MNAT1: variants seen among roughly 807,000 people sequenced by gnomAD.
MNAT1 encodes CDK-activating kinase assembly factor MAT1.
In MNAT1, 43 loss-of-function variants were observed where a neutral mutation model predicts 42.0. The ratio of observed to expected loss-of-function variants is 1.02; its 90% CI spans 0.80 to 1.32. The LOEUF (loss-of-function observed/expected upper bound fraction) is 1.32. MNAT1 is among the 40% of genes most tolerant of loss of function. The probability of loss-of-function intolerance (pLI) is 0.00; values close to 1 mark genes in which losing one functional copy is unlikely to be tolerated. For missense variants in MNAT1, 306 were observed against 350.4 expected, an observed-to-expected ratio of 0.87 and a Z score of 1.01; for synonymous variants, 118 against 120.0, an observed-to-expected ratio of 0.98 and a Z score of 0.11.
chr14:60,877,563 T>C (rs1320914400), intron 6 of MNAT1, among the ~76,000 whole-genome samples: 1 of 152,014 alleles, frequency 6.6e-6, no homozygotes, highest in Non-Finnish European at 1.5e-5. Context: ...AACAAAAAAA[T>C]TTATAAACTA....
At chr14:60,736,203 C>A (rs973824627) in intron 1 of MNAT1, among the ~76,000 whole-genome samples, 1 of 151,894 alleles carries the variant, frequency 6.6e-6, no homozygotes, top group Non-Finnish European at 1.5e-5. Context: ...TGGAAAAACA[C>A]TGTAGATAGA....
In MNAT1 at chr14:60,798,129, C is replaced by A; in HGVS notation, c.285C>A (p.Tyr95Ter). The A allele has an allele frequency of 6.6e-7, 1 of 1,524,200 alleles. No homozygotes were observed. The highest frequency in any genetic ancestry group is 9.1e-7 in the Non-Finnish European group (1 of 1,101,382). 94.4% of individuals were successfully genotyped at this position (1,524,200 alleles called of 1,614,324 possible). A position where few individuals can be genotyped will look rare whatever the true frequency, so the allele number is the denominator to read the frequency against. Residue 95 changes from tyrosine to a stop codon, truncating the protein, a stop_gained, in exon 3 of 8, where the codon TAC becomes TAA. Coordinates refer to ENST00000261245, the MANE Select transcript of MNAT1 (RefSeq NM_002431.4). LOFTEE classifies it high-confidence loss of function. ...REEDFPSLRE[Y>*]NDFLEEVEEI... is the part of the protein sequence containing the mutation. ...AAGATTTTCCTAGTCTAAGAGAATA[C>A]AATGATTTCTTGGAAGAAGTGGAAG... is the stretch of plus-strand genomic sequence containing the variant.
At chr14:60,892,607 T>G (rs1321494727) in intron 7 of MNAT1, among the ~76,000 whole-genome samples, 1 of 152,170 alleles carries the variant, frequency 6.6e-6, no homozygotes, top group Non-Finnish European at 1.5e-5. Context: ...AAGTTATTAC[T>G]GATAAGGATG....
rs1054173230 is a variant in MNAT1, at chr14:60,931,640, A to T, written c.810-36589A>T. 7.9e-5 allele frequency among the ~76,000 whole-genome samples: 12 copies of T among 152,160 alleles called. No homozygotes were observed. The South Asian group carries it at 2.3e-3, about 29-fold the overall frequency. ...TCTTATTTCAAAAATATGTCTGTAG[A>T]TACATATCGTAGACCTGAATTGTAT... On this transcript the variant is annotated intron_variant, in intron 7 of 7. Transcript: ENST00000261245.
intron 4 of MNAT1, among the ~76,000 whole-genome samples, chr14:60,810,619 G>T (rs1008712687): frequency 2.0e-5 from 3 of 151,958 alleles, no homozygotes; most frequent in Admixed American, 6.5e-5. Context: ...TGAGTGTATT[G>T]TTTAATTTTC....
rs548853994 is a variant in MNAT1 at position 60,771,764 on chromosome 14, A to G, written c.90-24453A>G. 1.4e-4 allele frequency among the ~76,000 whole-genome samples: 22 copies of G among 152,312 alleles called. No homozygotes were observed. The South Asian group carries it at 4.6e-3, about 32-fold the overall frequency. On this transcript the variant is annotated intron_variant, in intron 1 of 7. Transcript: ENST00000261245. ...GTAATTTATCTGTCCATGTTAGTATATAGGCTCTATGAGGGCAGGGATCAT... is the reference window on the plus strand; with the variant it reads ...GTAATTTATCTGTCCATGTTAGTATGTAGGCTCTATGAGGGCAGGGATCAT...
At chr14:60,926,807 G>A (rs2035776895) in intron 7 of MNAT1, among the ~76,000 whole-genome samples, 1 of 152,102 alleles carries the variant, frequency 6.6e-6, no homozygotes, top group African/African-American at 2.4e-5. Flanking sequence ...CCCTTCCCTA[G>A]AGGTCAGAGG....
At position 60,888,566 on chromosome 14, in the gene MNAT1, C is replaced by T. The variant is rs1403744563; in HGVS notation, c.809+8731C>T. Reference sequence around the variant, plus strand: ...ACAGGGATGCCCTCTCTCACCACTCCTATTCAACATAGTGTTGGAAGTTCT... The same window carrying T: ...ACAGGGATGCCCTCTCTCACCACTCTTATTCAACATAGTGTTGGAAGTTCT... On this transcript the variant is annotated intron_variant, in intron 7 of 7. Coordinates refer to ENST00000261245, the MANE Select transcript of MNAT1 (RefSeq NM_002431.4). 5.3e-5 allele frequency among the ~76,000 whole-genome samples: 8 copies of T among 150,606 alleles called. No individual in the cohort carries two copies. In the East Asian group the frequency reaches 1.6e-3, roughly 30 times the overall value.
chr14:60,843,729 C>A (rs896177999), intron 6 of MNAT1, among the ~76,000 whole-genome samples: 1 of 152,022 alleles, frequency 6.6e-6, no homozygotes, highest in Admixed American at 6.5e-5. Flanking sequence ...TGAATAATTT[C>A]TCTTGTCTGT....
intron 7 of MNAT1, among the ~76,000 whole-genome samples, chr14:60,938,368 A>G (rs1265640594): frequency 1.3e-5 from 2 of 152,126 alleles, no homozygotes; most frequent in African/African-American, 4.8e-5. Context: ...TGGGTTTGTC[A>G]TAGATAGCTC....
At chr14:60,847,582 G>A (rs1271917808) in intron 6 of MNAT1, among the ~76,000 whole-genome samples, 4 of 151,978 alleles carry the variant, frequency 2.6e-5, no homozygotes, top group East Asian at 1.9e-4. Flanking sequence ...TAGTGTTCAA[G>A]CTATTTACGT....
chr14:60,838,937 C>G (rs2033472100), intron 6 of MNAT1, among the ~76,000 whole-genome samples: 1 of 152,182 alleles, frequency 6.6e-6, no homozygotes. Flanking sequence ...CCCCCTGTCA[C>G]CTCAGCCCCC....
chr14:60,918,756 A>T (rs920970922), intron 7 of MNAT1, among the ~76,000 whole-genome samples: 17 of 147,962 alleles, frequency 1.1e-4, no homozygotes, highest in Middle Eastern at 3.6e-3. Context: ...ATATATATAT[A>T]TTTTTGTCCT....
chr14:60,922,792 C>T (rs963312887), intron 7 of MNAT1, among the ~76,000 whole-genome samples: 6 of 152,144 alleles, frequency 3.9e-5, no homozygotes, highest in African/African-American at 1.4e-4. Context: ...AACGTATAAA[C>T]TCAGTAGTTC....
intron 7 of MNAT1, among the ~76,000 whole-genome samples, chr14:60,962,778 T>C (rs552791318): frequency 3.9e-5 from 6 of 152,334 alleles, no homozygotes; most frequent in Admixed American, 1.3e-4. Context: ...ATATGAGTTT[T>C]GGTGTTTGAT....
intron 1 of MNAT1, among the ~76,000 whole-genome samples, chr14:60,777,129 C>A (rs185687679): frequency 6.6e-6 from 1 of 152,114 alleles, no homozygotes; most frequent in African/African-American, 2.4e-5. Flanking sequence ...GGATTACAGG[C>A]GTGAGCCACC....
chr14:60,909,661 C>G (rs2035300950), intron 7 of MNAT1, among the ~76,000 whole-genome samples: 1 of 152,088 alleles, frequency 6.6e-6, no homozygotes, highest in African/African-American at 2.4e-5. Context: ...TCTGAGGGCT[C>G]TGTTCTGTTC....
intron 7 of MNAT1, among the ~76,000 whole-genome samples, chr14:60,884,350 A>G (rs989604928): frequency 6.6e-6 from 1 of 152,116 alleles, no homozygotes; most frequent in Admixed American, 6.6e-5. Flanking sequence ...CTCTGTTGAT[A>G]TGATATATCA....
At chr14:60,764,438 A>G (rs555697278) in intron 1 of MNAT1, among the ~76,000 whole-genome samples, 1 of 151,178 alleles carries the variant, frequency 6.6e-6, no homozygotes, top group African/African-American at 2.4e-5. Flanking sequence ...AATTGTCTTA[A>G]AGCTTATCAC....
Sources: gnomAD v4.1 joint callset for allele counts (sites outside exome capture counted in the v4.1 genomes callset) on GRCh38, gnomAD v4.1.1 for gene constraint, MANE v1.5 for transcripts, NCBI Gene and HGNC (gene_info 2026-07-23, HGNC 2026-07-21) for gene names.